The following SH3KBP1 variants were observed in gnomAD, a reference collection of about 807,000 sequenced individuals.
SH3KBP1 encodes SH3 domain containing kinase binding protein 1.
A neutral mutation model predicts 50.1 loss-of-function variants in SH3KBP1; 8 were observed. The observed-to-expected ratio is 0.16, with a 90% CI of 0.09 to 0.29. The LOEUF (loss-of-function observed/expected upper bound fraction) is 0.29. Ranked by LOEUF, SH3KBP1 falls within the 10% of genes least tolerant of loss-of-function variation. The pLI is 1.00. For synonymous variants in SH3KBP1, 227 were observed against 218.6 expected, an observed-to-expected ratio of 1.04 and a Z score of -0.34; for missense variants, 377 against 535.2, an observed-to-expected ratio of 0.70 and a Z score of 2.92.
chrX:19,645,480 G>C lies in SH3KBP1; in HGVS notation c.727-5C>G, dbSNP rs965717287. 8.6e-7 allele frequency: 1 copy of C among 1,160,070 alleles called. No individual in the cohort carries two copies. Among genetic ancestry groups the C allele is most frequent in the East Asian group, 3.0e-5 (1 of 33,608 alleles). Reference sequence around the variant, plus strand: ...AGGTAACTTCTTCCCAATAGTCTGAGGGGAAAAACAGATGATTTTACTTAT... The same window carrying C: ...AGGTAACTTCTTCCCAATAGTCTGACGGGAAAAACAGATGATTTTACTTAT... On this transcript the variant is annotated splice_region_variant and splice_polypyrimidine_tract_variant and intron_variant, in intron 6 of 17. Transcript: ENST00000397821.
At chrX:19,805,424 T>C (rs1215621220) in intron 2 of SH3KBP1, among the ~76,000 whole-genome samples, 1 of 109,951 alleles carries the variant, frequency 9.1e-6, no homozygotes, top group Non-Finnish European at 1.9e-5. Context: ...ATCAACATAC[T>C]TGAAACTTTT....
chrX:19,647,675 T>C (rs1259902006), intron 6 of SH3KBP1, among the ~76,000 whole-genome samples: 5 of 111,306 alleles, frequency 4.5e-5, no homozygotes, highest in African/African-American at 1.6e-4. Flanking sequence ...AAGTCTAGAA[T>C]ATGGCAAAGT....
At chrX:19,589,471 C>T (rs892791498) in intron 11 of SH3KBP1, among the ~76,000 whole-genome samples, 10 of 111,867 alleles carry the variant, frequency 8.9e-5, no homozygotes, top group African/African-American at 3.3e-4. Flanking sequence ...TTCTTGCGCA[C>T]AAGAAGTTTG....
intron 8 of SH3KBP1, among the ~76,000 whole-genome samples, chrX:19,614,759 C>T (rs1351625431): frequency 8.9e-6 from 1 of 111,974 alleles, no homozygotes; most frequent in East Asian, 2.8e-4. Flanking sequence ...TGAGATTCTA[C>T]ACTTCTAAGA....
chrX:19,782,090 T>C (rs1218473164), intron 2 of SH3KBP1, among the ~76,000 whole-genome samples: 3 of 111,535 alleles, frequency 2.7e-5, no homozygotes, highest in Non-Finnish European at 5.6e-5. Context: ...CTTGCTGATG[T>C]AGTTAAGGAT....
At chrX:19,588,466 G>A (rs73457656) in intron 12 of SH3KBP1, 177 bp downstream of exon 12, 3 of 1,177,454 alleles carry the variant, frequency 2.5e-6, no homozygotes, top group African/African-American at 1.8e-5. Context: ...CTGAGTGCAG[G>A]AGCAAGGACA....
In SH3KBP1 at chrX:19,601,939, C is replaced by T. The variant is rs148277111; in HGVS notation, c.1005+5999G>A. On this transcript the variant is annotated intron_variant, in intron 9 of 17. Transcript: ENST00000397821. The stretch of plus-strand genomic sequence containing the variant: ...GTCTTTCTCTAGTTTCCTTCCTCAG[C>T]CTCTGGCCTAGTGGTCTACATCCAT... 4.2e-3 allele frequency among the ~76,000 whole-genome samples: 465 copies of T among 111,237 alleles called. 7 individuals are homozygous for T. Among genetic ancestry groups the T allele is most frequent in the African/African-American group, 0.014 (421 of 30,608 alleles).
intron 6 of SH3KBP1, among the ~76,000 whole-genome samples, chrX:19,660,216 A>C (rs140266861): frequency 0.013 from 1,472 of 112,598 alleles, 21 homozygotes; most frequent in African/African-American, 0.034. Flanking sequence ...TGAAATGGAC[A>C]TAACAATATA....
rs974744467 is a variant in SH3KBP1 at position 19,752,304 on chromosome X, G to A, written c.163-5863C>T. Among the ~76,000 whole-genome samples the A allele has an allele frequency of 1.2e-4, 14 of 112,097 alleles. No homozygotes were observed. The Admixed American group carries it at 1.3e-3, about 11-fold the overall frequency. ...AGCCCTTCTGTCATCTGTAAAAGAG[G>A]TCTAACAACAAACACACCATCCGAG... On this transcript the variant is annotated intron_variant, in intron 2 of 17. Transcript: ENST00000397821.
At chrX:19,628,998 T>A (rs1413053222) in intron 8 of SH3KBP1, among the ~76,000 whole-genome samples, 1 of 111,532 alleles carries the variant, frequency 9.0e-6, no homozygotes, top group Non-Finnish European at 1.9e-5. Flanking sequence ...TCCCAGCTAC[T>A]CAGGAGGCTG....
chrX:19,687,614 C>T, intron 5 of SH3KBP1: 2 of 1,199,456 alleles, frequency 1.7e-6, no homozygotes, highest in Non-Finnish European at 1.1e-6. Context: ...TAAGGTCACT[C>T]ACTGTAATAG....
intron 9 of SH3KBP1, among the ~76,000 whole-genome samples, chrX:19,596,394 T>C (rs769765269): frequency 1.8e-5 from 2 of 112,115 alleles, no homozygotes; most frequent in African/African-American, 3.2e-5. Flanking sequence ...ACTAATGATA[T>C]CTGAGCCTTC....
chrX:19,659,237 C>T (rs2062386857), intron 6 of SH3KBP1, among the ~76,000 whole-genome samples: 1 of 108,130 alleles, frequency 9.2e-6, no homozygotes, highest in Non-Finnish European at 1.9e-5. Flanking sequence ...GTCACAGCCT[C>T]CTGAGTAGCT....
At chrX:19,801,947 A>G (rs1343056981) in intron 2 of SH3KBP1, among the ~76,000 whole-genome samples, 1 of 110,081 alleles carries the variant, frequency 9.1e-6, no homozygotes, top group Admixed American at 9.6e-5. Context: ...GCATGATGGC[A>G]GGTGCCTGTA....
At chrX:19,813,254 C>T (rs903825842) in intron 2 of SH3KBP1, among the ~76,000 whole-genome samples, 4 of 111,267 alleles carry the variant, frequency 3.6e-5, no homozygotes, top group Admixed American at 9.5e-5. Flanking sequence ...GCCATGCTCT[C>T]GCTGAGGAGC....
chrX:19,551,847 T>A (rs1007894759), intron 13 of SH3KBP1, among the ~76,000 whole-genome samples: 1 of 111,305 alleles, frequency 9.0e-6, no homozygotes, highest in Non-Finnish European at 1.9e-5. Flanking sequence ...CTTGGATGGA[T>A]GCAAAAAGCC....
chrX:19,823,275 G>A (rs923409396), intron 2 of SH3KBP1, among the ~76,000 whole-genome samples: 18 of 111,870 alleles, frequency 1.6e-4, no homozygotes, highest in Admixed American at 6.6e-4. Flanking sequence ...CAAAAGTCCC[G>A]ATAGGCTCAA....
rs61301072 is a variant in SH3KBP1 at position 19,548,825 on chromosome X, A to AAGAG, written c.1494+1145_1494+1148dup. 3.7e-3 allele frequency among the ~76,000 whole-genome samples: 377 copies of AAGAG among 102,199 alleles called. 2 individuals carry two copies. The highest frequency in any genetic ancestry group is 0.018 in the South Asian group (39 of 2,167). 88.7% of individuals were successfully genotyped at this position (102,199 alleles called of 115,157 possible). On this transcript the variant is annotated intron_variant, in intron 14 of 17. Coordinates refer to ENST00000397821, the MANE Select transcript of SH3KBP1 (RefSeq NM_031892.3). Reference sequence around the variant, plus strand: ...CAAGGCAATGTGCTATATGGAAATAAAGAGAGAGAGAGAGAGAGAGAAATC... The same window carrying AAGAG: ...CAAGGCAATGTGCTATATGGAAATAAAGAGAGAGAGAGAGAGAGAGAGAGAAATC...
chrX:19,621,758 C>T (rs1476369535), intron 8 of SH3KBP1, among the ~76,000 whole-genome samples: 1 of 111,841 alleles, frequency 8.9e-6, no homozygotes, highest in Non-Finnish European at 1.9e-5. Flanking sequence ...GTAATTGTGA[C>T]ACAGACTGCA....
Sources: allele counts gnomAD v4.1 joint callset (sites outside exome capture counted in the v4.1 genomes callset), GRCh38; gene constraint gnomAD v4.1.1; transcripts MANE v1.5; gene names NCBI Gene and HGNC (gene_info 2026-07-23, HGNC 2026-07-21).